Variants in TRPM2 observed in about 807,000 individuals in gnomAD.
The protein encoded by TRPM2 is estrogen-responsive element-associated gene 1 protein.
TRPM2 carries 161 observed loss-of-function variants against 174.0 expected under a neutral mutation model. The observed-to-expected ratio is 0.93, with a 90% CI of 0.81 to 1.05. The LOEUF is 1.05. TRPM2 is among the 50% of genes least tolerant of loss of function. TRPM2 has a pLI of 0.00. For synonymous variants in TRPM2, 954 were observed against 861.3 expected (o/e 1.11, Z -1.88); for missense variants, 2,057 against 2,038.0 (o/e 1.01, Z -0.18).
chr21:44,393,674 T>TA (rs1379487343), intron 11 of TRPM2, among the ~76,000 whole-genome samples: 3 of 152,004 alleles, frequency 2.0e-5, no homozygotes, highest in Admixed American at 2.0e-4. Context: ...CTTTTTTTTT[T>TA]AATTGGTAAT....
intron 17 of TRPM2, among the ~76,000 whole-genome samples, 184 bp from the exon 18 acceptor site, chr21:44,405,721 A>G (rs1569075462): frequency 6.6e-6 from 1 of 152,108 alleles, no homozygotes; most frequent in Non-Finnish European, 1.5e-5. Context: ...GCGTCTGAAG[A>G]AAAGTGGGAG....
chr21:44,379,233 G>C, intron 8 of TRPM2, 36 bp downstream of exon 8: 1 of 1,602,220 alleles, frequency 6.2e-7, no homozygotes. Flanking sequence ...CCAGCATGTG[G>C]CTGCTTTGCA....
At chr21:44,389,017 C>G (rs2049095652) in intron 9 of TRPM2, among the ~76,000 whole-genome samples, 1 of 152,178 alleles carries the variant, frequency 6.6e-6, no homozygotes, top group Non-Finnish European at 1.5e-5. Flanking sequence ...CGTGACCCAC[C>G]ACAGTCTCCA....
intron 20 of TRPM2, among the ~76,000 whole-genome samples, chr21:44,417,001 C>T (rs2050312029): frequency 8.8e-6 from 1 of 113,800 alleles, no homozygotes; most frequent in Admixed American, 9.8e-5. Flanking sequence ...TGCACGTGGG[C>T]ATGGCTCTGC....
At chr21:44,359,757 A>T (rs58977553) in intron 2 of TRPM2, among the ~76,000 whole-genome samples, 15,071 of 148,032 alleles carry the variant, frequency 0.1, 775 homozygotes, top group South Asian at 0.12. Flanking sequence ...ATATATATAT[A>T]TTTTTTTTGA....
rs780790790 is a variant in TRPM2, at chr21:44,417,908, G to A, written c.3147-19G>A. The A allele has an allele frequency of 1.3e-5, 21 of 1,604,686 alleles. No homozygotes were observed. Among genetic ancestry groups the A allele is most frequent in the Non-Finnish European group, 1.7e-5 (20 of 1,175,936 alleles). ...GTAAACACCCTGACCTCGAGGTGTT[G>A]CTTTCTCCTCCCTGACAGCTACACC... On this transcript the variant is annotated intron_variant, in intron 20 of 31. Transcript: ENST00000397928.
At chr21:44,425,630 C>T (rs891146046) in intron 24 of TRPM2, 40 bp from the exon 25 acceptor site, 8 of 1,447,578 alleles carry the variant, frequency 5.5e-6, no homozygotes, top group Admixed American at 2.6e-5. Flanking sequence ...CACCTGAGCC[C>T]GGGCTCCGCC....
At chr21:44,369,377 A>G in intron 5 of TRPM2, 34 bp downstream of exon 5, 12 of 1,581,928 alleles carry the variant, frequency 7.6e-6, no homozygotes, top group Non-Finnish European at 9.5e-6. Context: ...GGAGCCTAAG[A>G]CCAGGGGTGT....
At chr21:44,424,474 A>G (rs999909048) in intron 23 of TRPM2, among the ~76,000 whole-genome samples, 1 of 152,208 alleles carries the variant, frequency 6.6e-6, no homozygotes, top group South Asian at 2.1e-4. Flanking sequence ...GAGGTGCAGG[A>G]ACCCTGGAAG....
chr21:44,418,461 T>C lies in TRPM2; in HGVS notation c.3367T>C (p.Ser1123Pro), dbSNP rs1207628238. Residue 1123 changes from serine to proline, a missense_variant, in exon 22 of 32, where the codon TCC (serine) becomes CCC (proline). Transcript: ENST00000397928. The part of the protein sequence containing the change: ...LEKNEEAALL[S>P]WEIYLKENYL... The stretch of plus-strand genomic sequence containing the variant: ...GAAGAACGAGGAGGCGGCCCTGCTA[T>C]CCTGGGAGATCTACCTGAAGGAGAA... The C allele has an allele frequency of 6.2e-7, 1 of 1,613,878 alleles. No individual in the cohort carries two copies.
At chr21:44,382,640 G>A (rs34214578) in intron 8 of TRPM2, 78 bp from the exon 9 acceptor site, 10 of 1,404,854 alleles carry the variant, frequency 7.1e-6, no homozygotes, top group Non-Finnish European at 9.9e-6. Context: ...TGTGTCCGGG[G>A]CCTCAATTCT....
At position 44,438,964 on chromosome 21, in the gene TRPM2, C is replaced by T. The variant is rs534040629; in HGVS notation, c.4168-103C>T. The T allele has an allele frequency of 3.2e-5, 29 of 893,594 alleles. No homozygotes were observed. Among genetic ancestry groups the T allele is most frequent in the South Asian group, 6.0e-5 (4 of 66,570 alleles). 55.4% of individuals were successfully genotyped at this position (893,594 alleles called of 1,614,324 possible). A position where few individuals can be genotyped will look rare whatever the true frequency, so the allele number is the denominator to read the frequency against. ...CTGCCTGTGGCTCCCAGGGCTGGGC[C>T]GCTGCCCACGCCGGGCAGGAGGCCA... On this transcript the variant is annotated intron_variant, in intron 29 of 31. Transcript: ENST00000397928. The surrounding 1 kb of genome is among the most constrained non-coding windows in gnomAD (Gnocchi z 5.9).
Position 44,382,802 on chromosome 21 carries a change from T to G in TRPM2, c.1300T>G (p.Leu434Val). Residue 434 changes from leucine to valine, a missense_variant, in exon 9 of 32, where the codon TTG becomes GTG. By Grantham distance (32) the Leu-to-Val change is conservative. Transcript: ENST00000397928. ...DGQQDVDVAI[L>V]QALLKASRSQ... ...TCAGCAGGACGTGGATGTGGCCATC[T>G]TGCAGGCCTTGCTGAAAGGTGAGGG... 1 of 1,613,532 alleles carries G rather than the reference T, an allele frequency of 6.2e-7. No individual in the cohort carries two copies. Among genetic ancestry groups the G allele is most frequent in the Non-Finnish European group, 8.5e-7 (1 of 1,179,868 alleles).
intron 5 of TRPM2, among the ~76,000 whole-genome samples, chr21:44,375,311 T>C (rs1486244720): frequency 6.6e-6 from 1 of 152,224 alleles, no homozygotes; most frequent in Non-Finnish European, 1.5e-5. Flanking sequence ...GTCTCCCCAT[T>C]GCCGGTTTCA....
chr21:44,439,552 C>T lies in TRPM2; in HGVS notation c.4269+384C>T, dbSNP rs2051412497. Reference sequence around the variant, plus strand: ...CAAGGGTGCTGGGAAGCCAGCCCCTCCCTCAGACCTCGCCCCGACTCCCAA... The same window carrying T: ...CAAGGGTGCTGGGAAGCCAGCCCCTTCCTCAGACCTCGCCCCGACTCCCAA... On this transcript the variant is annotated intron_variant, in intron 30 of 31. Transcript: ENST00000397928. The surrounding 1 kb of genome is among the most constrained non-coding windows in gnomAD (Gnocchi z 5.1). Among the ~76,000 whole-genome samples the T allele has an allele frequency of 6.6e-6, 1 of 152,160 alleles. No homozygotes were observed. The highest frequency in any genetic ancestry group is 2.4e-5 in the African/African-American group (1 of 41,432).
chr21:44,400,739 C>T (rs905075302), intron 15 of TRPM2, among the ~76,000 whole-genome samples: 2 of 99,080 alleles, frequency 2.0e-5, no homozygotes, highest in Admixed American at 1.1e-4. Context: ...CAGCGAGCTG[C>T]GGCTGAGTGC....
intron 15 of TRPM2, among the ~76,000 whole-genome samples, chr21:44,401,150 C>A (rs1157197191): frequency 6.6e-6 from 1 of 152,168 alleles, no homozygotes; most frequent in Non-Finnish European, 1.5e-5. Flanking sequence ...CCGAGGATGG[C>A]AGAGCCGTGT....
chr21:44,426,749 C>T lies in TRPM2; in HGVS notation c.3872+13C>T, dbSNP rs45616233. The T allele has an allele frequency of 9.2e-4, 1,477 of 1,613,596 alleles. 10 individuals carry two copies. In the African/African-American group the frequency reaches 0.018, roughly 19 times the overall value. ...ACCCCATGGGAGAGTGAGTATGAGC[C>T]GCTGTCCGTGCTCCCAGCTGGCCCC... On this transcript the variant is annotated intron_variant, in intron 26 of 31. Transcript: ENST00000397928.
intron 11 of TRPM2, among the ~76,000 whole-genome samples, chr21:44,392,642 C>T (rs1331812392): frequency 2.0e-5 from 3 of 152,004 alleles, no homozygotes; most frequent in African/African-American, 7.3e-5. Context: ...CCTTAATTAC[C>T]TTCTTAAAGG....
Sources: allele counts gnomAD v4.1 joint callset (sites outside exome capture counted in the v4.1 genomes callset), GRCh38; gene constraint gnomAD v4.1.1; non-coding constraint Gnocchi (gnomAD v3.1); transcripts MANE v1.5; gene names NCBI Gene and HGNC (gene_info 2026-07-23, HGNC 2026-07-21).